The following WARS1 variants were observed in gnomAD, a reference collection of about 807,000 sequenced individuals.
The protein encoded by WARS1 is tryptophan--tRNA ligase, cytoplasmic.
Under a neutral mutation model 47.8 loss-of-function variants are expected in WARS1, and 17 were observed. The ratio of observed to expected loss-of-function variants is 0.36; its 90% CI spans 0.24 to 0.53. The LOEUF (loss-of-function observed/expected upper bound fraction) is 0.53. WARS1 is among the 20% of genes least tolerant of loss of function. The pLI is 0.91. For synonymous variants in WARS1, 208 were observed against 228.1 expected (o/e 0.91, Z 0.79); for missense variants, 434 against 608.0 (o/e 0.71, Z 3.01).
chr14:100,342,375 C>CCT, intron 9 of WARS1, 23 bp downstream of exon 9: 1 of 1,613,078 alleles, frequency 6.2e-7, no homozygotes, highest in South Asian at 1.1e-5. Flanking sequence ...CGCTGGCTGC[C>CCT]CTCTGCCTGG....
At chr14:100,359,489 G>T (rs1480771955) in intron 4 of WARS1, among the ~76,000 whole-genome samples, 1 of 152,160 alleles carries the variant, frequency 6.6e-6, no homozygotes, top group Non-Finnish European at 1.5e-5. Context: ...CAGACTAATG[G>T]TTGCCAGTGG....
chr14:100,360,430 T>C (rs952253050), intron 4 of WARS1, 124 bp downstream of exon 4: 1 of 655,030 alleles, frequency 1.5e-6, no homozygotes, highest in African/African-American at 1.8e-5. Context: ...TGGATCTCAG[T>C]CTTACCACAG....
intron 10 of WARS1, among the ~76,000 whole-genome samples, chr14:100,336,322 A>G (rs1380328030): frequency 6.7e-6 from 1 of 150,340 alleles, no homozygotes; most frequent in African/African-American, 2.4e-5. Context: ...TATGTCGCCC[A>G]GGCTGGATTT....
chr14:100,346,592 C>T (rs779415294), intron 7 of WARS1, among the ~76,000 whole-genome samples, 154 bp downstream of exon 7: 8 of 152,304 alleles, frequency 5.3e-5, no homozygotes, highest in Middle Eastern at 6.8e-3. Context: ...TCCAGGACAA[C>T]GATGACCCAC....
At chr14:100,367,349 G>A (rs1456997730) in intron 2 of WARS1, among the ~76,000 whole-genome samples, 1 of 152,038 alleles carries the variant, frequency 6.6e-6, no homozygotes, top group Non-Finnish European at 1.5e-5. Context: ...CAGCACTTTC[G>A]GAGGCCGAGG....
At chr14:100,337,319 G>C in intron 9 of WARS1, 117 bp from the exon 10 acceptor site, 1 of 1,465,678 alleles carries the variant, frequency 6.8e-7, no homozygotes, top group Non-Finnish European at 9.3e-7. Flanking sequence ...TTCTGGACCC[G>C]GGAAAGGCCA....
intron 4 of WARS1, among the ~76,000 whole-genome samples, chr14:100,358,996 A>G (rs966138527): frequency 6.6e-6 from 1 of 152,226 alleles, no homozygotes. Context: ...GATGGCTATA[A>G]AACACAACAA....
At chr14:100,339,471 G>T (rs939239670) in intron 9 of WARS1, among the ~76,000 whole-genome samples, 16 of 151,274 alleles carry the variant, frequency 1.1e-4, no homozygotes, top group East Asian at 9.9e-4. Flanking sequence ...GCGCCTGTAG[G>T]CCCAGCTACT....
intron 9 of WARS1, among the ~76,000 whole-genome samples, chr14:100,339,283 G>A (rs896128906): frequency 2.6e-5 from 4 of 151,930 alleles, no homozygotes; most frequent in Non-Finnish European, 5.9e-5. Context: ...GCAGTCACGC[G>A]AGAGGCTCAG....
rs1169206386 is a variant in WARS1, at chr14:100,349,120, C to A, written c.726-2274G>T. Reference sequence around the variant, plus strand: ...AGGGAGGGCACCTGCTTTTCACTCTCAGACAGGGTTTAAAGTGGGAAGAGA... The same window carrying A: ...AGGGAGGGCACCTGCTTTTCACTCTAAGACAGGGTTTAAAGTGGGAAGAGA... On this transcript the variant is annotated intron_variant, in intron 6 of 10. Transcript: ENST00000392882. Among the ~76,000 whole-genome samples, 3 of 152,174 alleles carry A rather than the reference C, an allele frequency of 2.0e-5. 1 individual carries two copies. The highest frequency in any genetic ancestry group is 4.1e-4 in the South Asian group (2 of 4,834).
intron 6 of WARS1, chr14:100,353,062 A>G (rs772090239): frequency 1.3e-5 from 2 of 152,250 alleles, no homozygotes; most frequent in African/African-American, 2.4e-5. Flanking sequence ...TTCCTGGCAC[A>G]GCTGAGGATG....
chr14:100,345,490 C>T (rs2139949050), intron 7 of WARS1, among the ~76,000 whole-genome samples: 1 of 151,908 alleles, frequency 6.6e-6, no homozygotes, highest in African/African-American at 2.4e-5. Flanking sequence ...CATCACCACT[C>T]CCTAATCTCA....
At position 100,335,207 on chromosome 14, in the gene WARS1, A is replaced by G. The variant is rs116564785; in HGVS notation, c.1255-171T>C. On this transcript the variant is annotated intron_variant, in intron 10 of 10. Transcript: ENST00000392882. Reference sequence around the variant, plus strand: ...AACAATAACCTATACCTTCAGCTACACTTTTCCTAAAACGGCTAGAAACCT... The same window carrying G: ...AACAATAACCTATACCTTCAGCTACGCTTTTCCTAAAACGGCTAGAAACCT... Among the ~76,000 whole-genome samples the G allele has an allele frequency of 0.027, 4,148 of 152,198 alleles. 144 individuals are homozygous for G. The highest frequency in any genetic ancestry group is 0.08 in the African/African-American group (3,307 of 41,510).
At chr14:100,339,402 T>C (rs555210102) in intron 9 of WARS1, among the ~76,000 whole-genome samples, 97 of 151,900 alleles carry the variant, frequency 6.4e-4, no homozygotes, top group Admixed American at 2.6e-3. Flanking sequence ...CCATCCTGGC[T>C]AACACGGTGA....
Position 100,354,509 on chromosome 14 carries a change from C to A in WARS1, c.480G>T (p.Thr160=). The A allele has an allele frequency of 2.5e-6, 4 of 1,614,066 alleles. No homozygotes were observed. Among genetic ancestry groups the A allele is most frequent in the Non-Finnish European group, 3.4e-6 (4 of 1,179,984 alleles). The change falls in exon 5 of 11, where the codon ACG becomes ACT. Residue 160 remains threonine (T), a synonymous_variant. Transcript: ENST00000392882. ...YENKKPFYLY[T]GRGPSSEAMH... ...TTGCTTCAGAAGAGGGGCCCCGGCC[C>A]GTGTACAGATAAAATGGCTTCTTAT...
intron 1 of WARS1, among the ~76,000 whole-genome samples, chr14:100,369,655 A>G (rs1354162158): frequency 6.6e-6 from 1 of 151,922 alleles, no homozygotes; most frequent in Non-Finnish European, 1.5e-5. Context: ...GTTCATTGCT[A>G]AAAACTTTTG....
In WARS1 at chr14:100,353,271, G is replaced by T. The variant is rs565023606; in HGVS notation, c.725+416C>A. On this transcript the variant is annotated intron_variant, in intron 6 of 10. Transcript: ENST00000392882. ...CATAGCATTTTTTTTTCCTTTTTGA[G>T]ATGGAGTCTCGCTCTGTTGCCCAGG... Among the ~76,000 whole-genome samples, 3 of 151,544 alleles carry T rather than the reference G, an allele frequency of 2.0e-5. No individual in the cohort carries two copies. The South Asian group carries it at 6.2e-4, about 31-fold the overall frequency.
chr14:100,369,032 C>A (rs1483768005), intron 2 of WARS1, 55 bp downstream of exon 2: 22 of 1,353,880 alleles, frequency 1.6e-5, no homozygotes, highest in Non-Finnish European at 2.1e-5. Context: ...GAACACAACC[C>A]TACAGACTTG....
intron 9 of WARS1, chr14:100,339,754 G>C (rs1425749142): frequency 1.3e-5 from 2 of 152,192 alleles, no homozygotes; most frequent in Non-Finnish European, 2.9e-5. Flanking sequence ...TCCCTGCTGG[G>C]CCTTGGGGAA....
Sources: allele counts gnomAD v4.1 joint callset (sites outside exome capture counted in the v4.1 genomes callset), GRCh38; gene constraint gnomAD v4.1.1; transcripts MANE v1.5; gene names NCBI Gene and HGNC (gene_info 2026-07-23, HGNC 2026-07-21).